Variants in LOXHD1 observed in about 807,000 individuals in gnomAD.
LOXHD1 encodes the protein lipoxygenase homology domain-containing protein 1.
In LOXHD1, 205 loss-of-function variants were observed where a neutral mutation model predicts 248.2. That is an observed-to-expected ratio of 0.83 (90% CI 0.74 to 0.93). The LOEUF (loss-of-function observed/expected upper bound fraction) is 0.93, where lower values mean the gene tolerates loss of function less well. Ranked by LOEUF, LOXHD1 falls within the 40% of genes least tolerant of loss-of-function variation. LOXHD1 has a pLI of 0.00. For missense variants in LOXHD1, 2,930 were observed against 2,971.6 expected (o/e 0.99, Z 0.33); for synonymous variants, 1,113 against 1,162.8 (o/e 0.96, Z 0.87).
At chr18:46,525,984 G>T (rs996479539) in intron 29 of LOXHD1, among the ~76,000 whole-genome samples, 2 of 152,170 alleles carry the variant, frequency 1.3e-5, no homozygotes, top group African/African-American at 4.8e-5. Flanking sequence ...GCTGCAGCTG[G>T]GGGGCTGGGC....
chr18:46,635,895 T>C (rs1011344632), intron 4 of LOXHD1, among the ~76,000 whole-genome samples: 5 of 152,094 alleles, frequency 3.3e-5, no homozygotes, highest in African/African-American at 9.7e-5. Context: ...CCTAGATGGA[T>C]TGAGGGAGCA....
Position 46,488,964 on chromosome 18 carries a change from C to G in LOXHD1, c.6049+8G>C. 6.5e-7 allele frequency: 1 copy of G among 1,550,086 alleles called. No individual in the cohort carries two copies. The highest frequency in any genetic ancestry group is 1.4e-5 in the African/African-American group (1 of 73,138). ...CTCCCTCCTGAGCCAATGATCTCCC[C>G]CACATACTGGTCTCTTCCAGCTCAT... On this transcript the variant is annotated splice_region_variant and intron_variant, in intron 38 of 40. Coordinates refer to ENST00000642948, the MANE Select transcript of LOXHD1 (RefSeq NM_001384474.1).
At chr18:46,560,635 G>A in intron 18 of LOXHD1, 90 bp from the exon 19 acceptor site, 1 of 1,234,610 alleles carries the variant, frequency 8.1e-7, no homozygotes, top group Non-Finnish European at 1.1e-6. Flanking sequence ...CCAGGCACAA[G>A]GCCTGTTTGC....
chr18:46,621,381 A>G (rs2038666398), intron 4 of LOXHD1, among the ~76,000 whole-genome samples: 1 of 152,174 alleles, frequency 6.6e-6, no homozygotes, highest in African/African-American at 2.4e-5. Flanking sequence ...AGAACCCCAG[A>G]CTATCTACTT....
chr18:46,648,412 A>G (rs762984062), intron 2 of LOXHD1, among the ~76,000 whole-genome samples: 8 of 152,258 alleles, frequency 5.3e-5, no homozygotes, highest in Non-Finnish European at 1.0e-4. Flanking sequence ...AGAATAGAGC[A>G]GCAGTTTTCA....
chr18:46,601,768 TAAGAA>T, intron 7 of LOXHD1: 1 of 397,732 alleles, frequency 2.5e-6, no homozygotes, highest in Non-Finnish European at 4.8e-6. Context: ...TCGGGTTGGC[TAAGAA>T]TAGTACTTAT....
chr18:46,531,452 C>T (rs1013063068), intron 28 of LOXHD1, among the ~76,000 whole-genome samples: 10 of 152,138 alleles, frequency 6.6e-5, no homozygotes, highest in Non-Finnish European at 1.5e-5. Flanking sequence ...TGCATTTGGG[C>T]CTGCTCCACA....
chr18:46,525,960 G>A (rs1475815284), intron 29 of LOXHD1, among the ~76,000 whole-genome samples: 1 of 152,192 alleles, frequency 6.6e-6, no homozygotes, highest in East Asian at 1.9e-4. Flanking sequence ...GACGTCTCCA[G>A]GTGTCAGCAT....
chr18:46,574,888 T>C (rs1424444138), intron 14 of LOXHD1, among the ~76,000 whole-genome samples: 3 of 152,218 alleles, frequency 2.0e-5, no homozygotes, highest in African/African-American at 7.2e-5. Context: ...CCCAGCACCA[T>C]GCATGTGACA....
chr18:46,527,956 G>C (rs756492959), intron 29 of LOXHD1, among the ~76,000 whole-genome samples: 4 of 152,126 alleles, frequency 2.6e-5, no homozygotes, highest in Non-Finnish European at 5.9e-5. Flanking sequence ...CTGACTCCTG[G>C]AGACCTGGCA....
At chr18:46,574,172 C>T (rs147265316) in intron 14 of LOXHD1, among the ~76,000 whole-genome samples, 4 of 152,242 alleles carry the variant, frequency 2.6e-5, no homozygotes, top group African/African-American at 9.6e-5. Context: ...CACCCCCAGG[C>T]CCTCCCCAGC....
intron 16 of LOXHD1, among the ~76,000 whole-genome samples, chr18:46,569,170 T>A (rs1210391244): frequency 1.3e-5 from 2 of 152,202 alleles, no homozygotes; most frequent in Non-Finnish European, 2.9e-5. Flanking sequence ...GTTGAGGCAA[T>A]GCCACTAAAA....
In LOXHD1 at chr18:46,524,878, T is replaced by C. The variant is rs1039471431; in HGVS notation, c.4570A>G (p.Ile1524Val). Residue 1524 changes from isoleucine (I) to valine (V), a missense_variant, in exon 30 of 41, where the codon ATC becomes GTC. Physicochemically the swap from Ile to Val is conservative, Grantham distance 29 (BLOSUM62 3). Coordinates refer to ENST00000642948, the MANE Select transcript of LOXHD1 (RefSeq NM_001384474.1). ...TCATGGCGGAGCTTGATCTTGTAGA[T>C]GACGCCTAGGTCAGCGGCCTCGATG... is the stretch of plus-strand genomic sequence containing the variant. ...FIIEAADLGVIYKIKLRHDNS... is the reference protein window; with the variant it reads ...FIIEAADLGVVYKIKLRHDNS... 2 of 1,551,760 alleles carry C rather than the reference T, an allele frequency of 1.3e-6. No individual in the cohort carries two copies. The highest frequency in any genetic ancestry group is 1.7e-6 in the Non-Finnish European group (2 of 1,147,008).
rs530376510 is a variant in LOXHD1, at chr18:46,577,628, G to A, written c.1970+79C>T. On this transcript the variant is annotated intron_variant, in intron 14 of 40. Coordinates refer to ENST00000642948, the MANE Select transcript of LOXHD1 (RefSeq NM_001384474.1). ...GCCACTGTTTTGCTTGCTGGTCATG[G>A]TAGTAGGGCTGGGTCTTCCCAAAAC... is the stretch of plus-strand genomic sequence containing the variant. 1,651 of 1,471,836 alleles carry A rather than the reference G, an allele frequency of 1.1e-3. 4 individuals carry two copies. The highest frequency in any genetic ancestry group is 2.8e-3 in the Middle Eastern group (16 of 5,686). The allele number at this position is 1,471,836 out of a possible 1,614,324, so 91.2% of individuals were successfully genotyped here.
Position 46,477,500 on chromosome 18 carries a change from G to A in LOXHD1, c.6794C>T (p.Thr2265Ile). Residue 2265 changes from threonine (T) to isoleucine (I), a missense_variant, in exon 41 of 41, where the codon ACC becomes ATC. By Grantham distance (89) the Thr-to-Ile change is moderately conservative. Coordinates refer to ENST00000642948, the MANE Select transcript of LOXHD1 (RefSeq NM_001384474.1). ...GACAGAAGGGAAGAGGTCTCTCCAG[G>A]TGAGTCCATCCCCCCGCTTCTTGTC... is the stretch of plus-strand genomic sequence containing the variant. ...WLDKKRGDGL[T>I]WRDLFPSV 6.5e-7 allele frequency: 1 copy of A among 1,550,364 alleles called. No individual in the cohort carries two copies. The highest frequency in any genetic ancestry group is 1.2e-5 in the South Asian group (1 of 84,006).
At chr18:46,573,909 A>G (rs750420396) in intron 14 of LOXHD1, among the ~76,000 whole-genome samples, 1 of 152,144 alleles carries the variant, frequency 6.6e-6, no homozygotes, top group Non-Finnish European at 1.5e-5. Flanking sequence ...TGAGCATGCA[A>G]TGGTGAAATC....
chr18:46,639,433 T>C (rs2038934691), intron 4 of LOXHD1, among the ~76,000 whole-genome samples, 183 bp downstream of exon 4: 1 of 152,306 alleles, frequency 6.6e-6, no homozygotes, highest in East Asian at 1.9e-4. Flanking sequence ...CATAAAAAGT[T>C]GCCCATAGGA....
At chr18:46,493,956 G>A (rs2033665354) in intron 37 of LOXHD1, among the ~76,000 whole-genome samples, 2 of 152,150 alleles carry the variant, frequency 1.3e-5, no homozygotes, top group South Asian at 4.1e-4. Context: ...CCAGTGAGAT[G>A]GATTTAAGCA....
chr18:46,512,506 A>G (rs1268492939), intron 34 of LOXHD1, among the ~76,000 whole-genome samples: 4 of 152,334 alleles, frequency 2.6e-5, no homozygotes, highest in African/African-American at 7.2e-5. Flanking sequence ...CTGGTCTCCC[A>G]TTTAGCCAGC....
Sources: gnomAD v4.1 joint callset for allele counts (sites outside exome capture counted in the v4.1 genomes callset) on GRCh38, gnomAD v4.1.1 for gene constraint, MANE v1.5 for transcripts, NCBI Gene and HGNC (gene_info 2026-07-23, HGNC 2026-07-21) for gene names.